Variants in SHROOM3 observed in about 807,000 individuals in gnomAD.
The protein encoded by SHROOM3 is protein Shroom3.
SHROOM3 carries 47 observed loss-of-function variants against 138.6 expected under a neutral mutation model. That is an observed-to-expected ratio of 0.34 (90% CI 0.27 to 0.43). The LOEUF (loss-of-function observed/expected upper bound fraction) is 0.43. Ranked by LOEUF, SHROOM3 falls within the 20% of genes least tolerant of loss-of-function variation. SHROOM3 has a pLI of 1.00. For synonymous variants in SHROOM3, 1,062 were observed against 1,063.3 expected (o/e 1.00, Z 0.02); for missense variants, 2,491 against 2,596.5 (o/e 0.96, Z 0.88).
At chr4:76,718,157 T>C (rs887491325) in intron 3 of SHROOM3, among the ~76,000 whole-genome samples, 2 of 152,204 alleles carry the variant, frequency 1.3e-5, no homozygotes, top group Non-Finnish European at 2.9e-5. Flanking sequence ...CAACATGAAC[T>C]GCTTATATTA....
intron 1 of SHROOM3, among the ~76,000 whole-genome samples, chr4:76,499,221 T>C (rs1305274136): frequency 6.6e-6 from 1 of 152,226 alleles, no homozygotes; most frequent in African/African-American, 2.4e-5. Flanking sequence ...TGTGTGGGAA[T>C]CATAGCTCTG....
intron 2 of SHROOM3, among the ~76,000 whole-genome samples, chr4:76,622,141 A>G (rs546208682): frequency 2.6e-5 from 4 of 152,024 alleles, no homozygotes; most frequent in Non-Finnish European, 4.4e-5. Context: ...TTTATATCCC[A>G]TTTAGTTTTG....
At chr4:76,489,525 G>A (rs984752321) in intron 1 of SHROOM3, among the ~76,000 whole-genome samples, 3 of 152,212 alleles carry the variant, frequency 2.0e-5, no homozygotes, top group East Asian at 1.9e-4. Context: ...TTGAAGTTGC[G>A]CAGATGTCAG....
intron 2 of SHROOM3, among the ~76,000 whole-genome samples, chr4:76,619,328 C>T (rs528958953): frequency 2.6e-5 from 4 of 152,102 alleles, no homozygotes; most frequent in Middle Eastern, 3.4e-3. Flanking sequence ...TGTGGAGCCC[C>T]GTGATCACAG....
At chr4:76,646,653 G>A (rs1402653464) in intron 2 of SHROOM3, among the ~76,000 whole-genome samples, 3 of 152,098 alleles carry the variant, frequency 2.0e-5, no homozygotes, top group African/African-American at 7.2e-5. Context: ...GATGTGCTAA[G>A]CTTAAGATTT....
At chr4:76,549,132 C>T (rs1733291711) in intron 1 of SHROOM3, among the ~76,000 whole-genome samples, 1 of 152,124 alleles carries the variant, frequency 6.6e-6, no homozygotes, top group African/African-American at 2.4e-5. Context: ...TACTGTTAAA[C>T]TTTTTGTAAA....
intron 2 of SHROOM3, among the ~76,000 whole-genome samples, chr4:76,676,409 G>T (rs1719027735): frequency 1.3e-5 from 2 of 152,082 alleles, no homozygotes; most frequent in Non-Finnish European, 2.9e-5. Flanking sequence ...TTTTCATCTA[G>T]GAGGAAGATT....
intron 1 of SHROOM3, among the ~76,000 whole-genome samples, chr4:76,440,987 A>G (rs979604056): frequency 1.4e-5 from 2 of 147,934 alleles, no homozygotes; most frequent in African/African-American, 2.5e-5. Context: ...CACTGACTCT[A>G]TTTCATCAAC....
intron 2 of SHROOM3, among the ~76,000 whole-genome samples, chr4:76,676,944 C>CAAAA (rs58270392): frequency 6.1e-4 from 48 of 78,720 alleles, no homozygotes; most frequent in Admixed American, 1.8e-3. Context: ...CTCCGTCTCA[C>CAAAA]AAAAAAAAAA....
chr4:76,755,901 C>CA (rs1482713829), intron 7 of SHROOM3, among the ~76,000 whole-genome samples: 2 of 152,208 alleles, frequency 1.3e-5, no homozygotes, highest in South Asian at 2.1e-4. Context: ...CTCAAAACAC[C>CA]AAAAAAACAC....
In SHROOM3 at chr4:76,754,526, C is replaced by T. The variant is rs1721738144; in HGVS notation, c.4043C>T (p.Ala1348Val). 7 of 1,613,544 alleles carry T rather than the reference C, an allele frequency of 4.3e-6. No homozygotes were observed. The highest frequency in any genetic ancestry group is 3.3e-5 in the Admixed American group (2 of 59,986). Residue 1348 changes from alanine to valine, a missense_variant, in exon 7 of 11, where the codon GCT (alanine) becomes GTT (valine). Physicochemically the swap from Ala to Val is moderately conservative, Grantham distance 64. This residue lies in a region of SHROOM3 where 1,733 missense variants were observed against 1,661.6 expected (regional missense o/e 1.04). Coordinates refer to ENST00000296043, the MANE Select transcript of SHROOM3 (RefSeq NM_020859.4). ...CAAGGGCTGGTCACAGACACCAGGG[C>T]TGCACCCCTGACCCCAATTGGCACC... The part of the protein sequence containing the change: ...GTQGLVTDTR[A>V]APLTPIGTPL...
Position 76,565,160 on chromosome 4 carries a change from C to CAAAAAAAAAAAAAAAAAAAA in SHROOM3, c.323+9400_323+9419dup, listed in dbSNP as rs1166896258. Among the ~76,000 whole-genome samples, 58 of 135,866 alleles carry CAAAAAAAAAAAAAAAAAAAA rather than the reference C, an allele frequency of 4.3e-4. 1 individual carries two copies. The highest frequency in any genetic ancestry group is 1.4e-3 in the African/African-American group (51 of 36,006). 89.1% of individuals were successfully genotyped at this position (135,866 alleles called of 152,430 possible). Reference sequence around the variant, plus strand: ...TGGGTGACAGGGCGAGACTCCATTTCAAAAAAAAAAAAAAAAAAAAAAGAA... The same window carrying CAAAAAAAAAAAAAAAAAAAA: ...TGGGTGACAGGGCGAGACTCCATTTCAAAAAAAAAAAAAAAAAAAAAAAAAAAAAAAAAAAAAAAAAAGAA... On this transcript the variant is annotated intron_variant, in intron 2 of 10. Transcript: ENST00000296043.
At chr4:76,716,888 TTTTA>T (rs1470086351) in intron 3 of SHROOM3, among the ~76,000 whole-genome samples, 2 of 152,250 alleles carry the variant, frequency 1.3e-5, no homozygotes, top group Non-Finnish European at 2.9e-5. Flanking sequence ...GAAGTTTTTA[TTTTA>T]TTTGACTTTC....
chr4:76,732,344 C>A (rs1264688375), intron 4 of SHROOM3, among the ~76,000 whole-genome samples: 1 of 152,126 alleles, frequency 6.6e-6, no homozygotes. Context: ...TTTGGCAAGG[C>A]CAGAACTCAG....
intron 2 of SHROOM3, among the ~76,000 whole-genome samples, chr4:76,590,250 C>T (rs1174493045): frequency 6.6e-6 from 1 of 152,198 alleles, no homozygotes; most frequent in Non-Finnish European, 1.5e-5. Context: ...AGCACCCTCT[C>T]TCCTCTGGCT....
intron 1 of SHROOM3, among the ~76,000 whole-genome samples, chr4:76,462,671 TCTCTCC>T (rs1224348152): frequency 4.4e-4 from 66 of 151,232 alleles, no homozygotes; most frequent in African/African-American, 1.5e-3. Flanking sequence ...CTTTGTTCTC[TCTCTCC>T]CTCTCCCTCT....
At chr4:76,726,690 A>T (rs344132) in intron 3 of SHROOM3, among the ~76,000 whole-genome samples, 1 of 151,424 alleles carries the variant, frequency 6.6e-6, no homozygotes, top group Admixed American at 6.6e-5. Flanking sequence ...CTACAGGTGG[A>T]TGCCACCACA....
chr4:76,741,115 C>G lies in SHROOM3; in HGVS notation c.2942C>G (p.Thr981Arg), dbSNP rs557095145. Residue 981 changes from threonine to arginine, a missense_variant, in exon 5 of 11, where the codon ACG becomes AGG. Around this residue, in one of 4 missense-constraint regions of SHROOM3, gnomAD observed 1,733 missense variants for 1,661.6 expected, o/e 1.04. Coordinates refer to ENST00000296043, the MANE Select transcript of SHROOM3 (RefSeq NM_020859.4). The surrounding 1 kb of genome is among the most constrained non-coding windows in gnomAD (Gnocchi z 6.2). Reference protein sequence around the residue: ...PEASASASPHTPRERHSVTPA... With the variant: ...PEASASASPHRPRERHSVTPA... The stretch of plus-strand genomic sequence containing the variant: ...GCGTCGGCCTCCGCCTCCCCGCACA[C>G]GCCCCGGGAGCGGCACAGCGTGACC... 38 of 1,550,478 alleles carry G rather than the reference C, an allele frequency of 2.5e-5. No individual in the cohort carries two copies. The highest frequency in any genetic ancestry group is 2.3e-4 in the South Asian group (19 of 84,310).
At chr4:76,474,763 AAAC>A (rs772778023) in intron 1 of SHROOM3, among the ~76,000 whole-genome samples, 14 of 151,934 alleles carry the variant, frequency 9.2e-5, no homozygotes, top group South Asian at 4.2e-4. Flanking sequence ...AAAATACAAA[AAAC>A]AACAACAACA....
Sources: allele counts gnomAD v4.1 joint callset (sites outside exome capture counted in the v4.1 genomes callset), GRCh38; gene constraint gnomAD v4.1.1; regional missense constraint gnomAD v4.1.1; non-coding constraint Gnocchi (gnomAD v3.1); transcripts MANE v1.5; gene names NCBI Gene and HGNC (gene_info 2026-07-23, HGNC 2026-07-21).